The following DTNB variants were observed in gnomAD, a reference collection of about 807,000 sequenced individuals.
DTNB encodes the protein DTN-B.
A neutral mutation model predicts 90.7 loss-of-function variants in DTNB; 63 were observed. The ratio of observed to expected loss-of-function variants is 0.69; its 90% CI spans 0.57 to 0.86. DTNB has a LOEUF of 0.86. Ranked by LOEUF, DTNB falls within the 40% of genes least tolerant of loss-of-function variation. DTNB has a pLI of 0.00. For synonymous variants in DTNB, 277 were observed against 286.7 expected (o/e 0.97, Z 0.34); for missense variants, 744 against 807.1 (o/e 0.92, Z 0.95).
At chr2:25,419,313 A>G in intron 16 of DTNB, 1 of 728,580 alleles carries the variant, frequency 1.4e-6, no homozygotes, top group Non-Finnish European at 2.3e-6. Flanking sequence ...TCTGGTTTTA[A>G]GTAAGAACAT....
chr2:25,616,837 C>T (rs1179333334), intron 4 of DTNB, among the ~76,000 whole-genome samples: 1 of 143,142 alleles, frequency 7.0e-6, no homozygotes, highest in Non-Finnish European at 1.5e-5. Context: ...GAGGCTGAGG[C>T]AGGAGAATGG....
At chr2:25,575,355 G>A (rs1423496982) in intron 8 of DTNB, among the ~76,000 whole-genome samples, 1 of 151,514 alleles carries the variant, frequency 6.6e-6, no homozygotes, top group African/African-American at 2.4e-5. Flanking sequence ...TTTATTCAAT[G>A]AAAAAGAAAA....
intron 8 of DTNB, among the ~76,000 whole-genome samples, chr2:25,571,620 A>G (rs985111128): frequency 2.0e-5 from 3 of 152,014 alleles, no homozygotes; most frequent in Non-Finnish European, 4.4e-5. Context: ...TGACTTCCCT[A>G]TTCAACCTCC....
intron 9 of DTNB, among the ~76,000 whole-genome samples, chr2:25,515,632 G>C (rs1167104754): frequency 1.3e-5 from 2 of 151,950 alleles, no homozygotes; most frequent in African/African-American, 4.8e-5. Context: ...TTCTTGCTCA[G>C]GCTAGAGTGC....
intron 10 of DTNB, among the ~76,000 whole-genome samples, chr2:25,476,744 G>A (rs2063820411): frequency 6.6e-6 from 1 of 152,250 alleles, no homozygotes; most frequent in South Asian, 2.1e-4. Context: ...GCTTCTTACG[G>A]ATAAGCAAAG....
intron 9 of DTNB, among the ~76,000 whole-genome samples, chr2:25,522,723 T>C (rs188102110): frequency 0.011 from 1,683 of 148,664 alleles, 37 homozygotes; most frequent in African/African-American, 0.039. Flanking sequence ...TTTTTTGAGA[T>C]GGAGTCTTGC....
chr2:25,392,838 C>T (rs1558323884), intron 16 of DTNB, among the ~76,000 whole-genome samples: 1 of 152,146 alleles, frequency 6.6e-6, no homozygotes. Context: ...TGGTACCAAT[C>T]CTACTGACAC....
At chr2:25,488,197 G>A (rs2066590628) in intron 9 of DTNB, among the ~76,000 whole-genome samples, 1 of 152,160 alleles carries the variant, frequency 6.6e-6, no homozygotes, top group African/African-American at 2.4e-5. Flanking sequence ...TATGGCAGTT[G>A]CCCAGATCAG....
chr2:25,655,171 G>A (rs1366370084), intron 1 of DTNB, among the ~76,000 whole-genome samples: 1 of 152,200 alleles, frequency 6.6e-6, no homozygotes, highest in Non-Finnish European at 1.5e-5. Context: ...GTGAAAGCAG[G>A]CAAATTACAA....
chr2:25,529,971 C>A (rs1289737427), intron 9 of DTNB, among the ~76,000 whole-genome samples: 3 of 151,878 alleles, frequency 2.0e-5, no homozygotes, highest in African/African-American at 7.3e-5. Flanking sequence ...TTTCTGTTTA[C>A]AAAGTGGAAG....
chr2:25,412,170 G>A (rs1020500349), intron 16 of DTNB, among the ~76,000 whole-genome samples: 1 of 152,190 alleles, frequency 6.6e-6, no homozygotes, highest in Admixed American at 6.5e-5. Flanking sequence ...GTCGACCATT[G>A]CTAACTAAAC....
At chr2:25,487,850 T>G (rs1302999087) in intron 9 of DTNB, among the ~76,000 whole-genome samples, 1 of 152,188 alleles carries the variant, frequency 6.6e-6, no homozygotes, top group East Asian at 1.9e-4. Flanking sequence ...AGAGGCAGGA[T>G]GTGAAAGGAG....
intron 8 of DTNB, among the ~76,000 whole-genome samples, chr2:25,556,155 GT>G (rs2057309034): frequency 7.5e-6 from 1 of 133,682 alleles, no homozygotes; most frequent in South Asian, 2.5e-4. Flanking sequence ...ATGTTTTGGT[GT>G]TTTGGCCATC....
At chr2:25,668,875 C>A (rs1051633315) in intron 1 of DTNB, among the ~76,000 whole-genome samples, 3 of 152,144 alleles carry the variant, frequency 2.0e-5, no homozygotes, top group Admixed American at 1.3e-4. Flanking sequence ...GGGGAAACAA[C>A]CCAAATGTCC....
At chr2:25,452,044 T>C (rs2059366278) in intron 11 of DTNB, among the ~76,000 whole-genome samples, 1 of 152,210 alleles carries the variant, frequency 6.6e-6, no homozygotes, top group Non-Finnish European at 1.5e-5. Flanking sequence ...AGAAAAAATA[T>C]ACTTAACACT....
intron 8 of DTNB, among the ~76,000 whole-genome samples, chr2:25,532,597 C>A (rs2078460188): frequency 6.6e-6 from 1 of 152,284 alleles, no homozygotes; most frequent in African/African-American, 2.4e-5. Context: ...CAACATGCCA[C>A]AATTAGGTTA....
In DTNB at chr2:25,424,424, C is replaced by T. The variant is rs2050816708; in HGVS notation, c.1554+3111G>A. On this transcript the variant is annotated intron_variant, in intron 15 of 20. Coordinates refer to ENST00000406818, the MANE Select transcript of DTNB (RefSeq NM_021907.5). The surrounding 1 kb of genome is among the most constrained non-coding windows in gnomAD (Gnocchi z 4.1). Reference sequence around the variant, plus strand: ...GCATCAGCGGTACACTAGAAGGCCACAGTGGCATGCATGGGGCTTGGGGTC... The same window carrying T: ...GCATCAGCGGTACACTAGAAGGCCATAGTGGCATGCATGGGGCTTGGGGTC... 6.6e-6 allele frequency among the ~76,000 whole-genome samples: 1 copy of T among 152,148 alleles called. No homozygotes were observed. Among genetic ancestry groups the T allele is most frequent in the African/African-American group, 2.4e-5 (1 of 41,430 alleles).
At chr2:25,419,436 G>A in intron 16 of DTNB, 79 bp downstream of exon 16, 2 of 1,545,592 alleles carry the variant, frequency 1.3e-6, no homozygotes, top group South Asian at 2.4e-5. Context: ...GCGGGGAGAA[G>A]AGGAGAAACA....
At chr2:25,491,392 T>A (rs1448356641) in intron 9 of DTNB, among the ~76,000 whole-genome samples, 1 of 152,114 alleles carries the variant, frequency 6.6e-6, no homozygotes, top group Non-Finnish European at 1.5e-5. Flanking sequence ...CTGTAAGAAA[T>A]CTGTGATATT....
Sources: gnomAD v4.1 joint callset for allele counts (sites outside exome capture counted in the v4.1 genomes callset) on GRCh38, gnomAD v4.1.1 for gene constraint, Gnocchi (gnomAD v3.1) non-coding constraint, MANE v1.5 for transcripts, NCBI Gene and HGNC (gene_info 2026-07-23, HGNC 2026-07-21) for gene names.